The following CLIC5 variants were observed in gnomAD, a reference collection of about 807,000 sequenced individuals.
CLIC5 encodes CLIC family member 5, also known as chloride intracellular channel protein 5.
In CLIC5, 20 loss-of-function variants were observed where a neutral mutation model predicts 24.7. The ratio of observed to expected loss-of-function variants is 0.81; its 90% CI spans 0.57 to 1.18. The LOEUF is 1.18. Ranked by LOEUF, CLIC5 falls within the 50% of genes most tolerant of loss-of-function variation. The pLI, the probability that CLIC5 is intolerant of heterozygous loss-of-function variation, is 0.00. For missense variants in CLIC5, 341 were observed against 326.1 expected, an observed-to-expected ratio of 1.05 and a Z score of -0.35; for synonymous variants, 159 against 135.6, an observed-to-expected ratio of 1.17 and a Z score of -1.20.
intron 1 of CLIC5, among the ~76,000 whole-genome samples, chr6:46,077,733 C>A (rs534747635): frequency 3.3e-5 from 5 of 152,198 alleles, no homozygotes; most frequent in African/African-American, 1.2e-4. Flanking sequence ...TCAGTTCACA[C>A]AATTATGCTA....
intron 1 of CLIC5, among the ~76,000 whole-genome samples, chr6:45,956,300 T>C (rs1266970194): frequency 6.6e-6 from 1 of 152,116 alleles, no homozygotes; most frequent in Non-Finnish European, 1.5e-5. Context: ...GAGGAAGAAA[T>C]AACCCATTTG....
the CLIC5 span, among the ~76,000 whole-genome samples, chr6:46,090,521 G>A: frequency 2.6e-5 from 4 of 151,350 alleles, no homozygotes; most frequent in African/African-American, 4.9e-5. Context: ...AGCTCAATTC[G>A]CCTTTTACTT....
At chr6:45,937,437 T>G (rs141769854) in intron 4 of CLIC5, 1 of 152,344 alleles carries the variant, frequency 6.6e-6, no homozygotes, top group Admixed American at 6.5e-5. Flanking sequence ...GAATGTAAAG[T>G]CCATTTTACA....
chr6:46,015,808 G>A lies in CLIC5; in HGVS notation c.-266C>T. ...TTAAGGGAATGACAACAGGTCGTGG[G>A]AGCAACAAGTGCCGGGCTGCCCGGA... On this transcript the variant is annotated 5_prime_UTR_variant, in exon 1 of 6. Coordinates refer to ENST00000339561, the MANE Select transcript of CLIC5 (RefSeq NM_016929.5). 8.4e-7 allele frequency: 1 copy of A among 1,190,496 alleles called. No homozygotes were observed. Among genetic ancestry groups the A allele is most frequent in the East Asian group, 3.6e-5 (1 of 28,142 alleles). 73.7% of individuals were successfully genotyped at this position (1,190,496 alleles called of 1,614,324 possible).
intron 1 of CLIC5, among the ~76,000 whole-genome samples, chr6:46,037,409 T>A (rs533431658): frequency 6.6e-6 from 1 of 152,098 alleles, no homozygotes; most frequent in Non-Finnish European, 1.5e-5. Flanking sequence ...AACAAAGGAA[T>A]GAATAAATAA....
intron 4 of CLIC5, among the ~76,000 whole-genome samples, chr6:45,924,847 A>G (rs1033939753): frequency 6.6e-6 from 1 of 152,226 alleles, no homozygotes; most frequent in Admixed American, 6.5e-5. Flanking sequence ...CAGCTACAGA[A>G]GGCCAAATAA....
At position 45,949,387 on chromosome 6, in the gene CLIC5, G is replaced by A. The variant is rs763917020; in HGVS notation, c.174-6C>T. On this transcript the variant is annotated splice_polypyrimidine_tract_variant and splice_region_variant and intron_variant, in intron 2 of 5. Transcript: ENST00000339561. ...TGTGCAGGTCAGCTGGCTTTCTGTA[G>A]AGAGAGCAAGATTCAGGTGTTGGCT... 6.2e-7 allele frequency: 1 copy of A among 1,612,030 alleles called. No homozygotes were observed. The highest frequency in any genetic ancestry group is 1.7e-5 in the Admixed American group (1 of 59,758).
rs994274316 is a variant in CLIC5, at chr6:45,899,115, G to T, written c.*3973C>A. ...ACAAAGGGGAAGAATGTGTGTTGAT[G>T]AGGAGGGCACATGTTGCTTGATTTG... On this transcript the variant is annotated 3_prime_UTR_variant, in exon 6 of 6. Transcript: ENST00000339561. 1 of 152,154 alleles carries T rather than the reference G, an allele frequency of 6.6e-6. No individual in the cohort carries two copies. Among genetic ancestry groups the T allele is most frequent in the Non-Finnish European group, 1.5e-5 (1 of 68,032 alleles). The allele number at this position is 152,154 out of a possible 1,614,324, so 9.4% of individuals were successfully genotyped here.
At chr6:46,086,651 A>G in the CLIC5 span, among the ~76,000 whole-genome samples, 15 of 152,228 alleles carry the variant, frequency 9.9e-5, 1 homozygote, top group Non-Finnish European at 2.1e-4. Flanking sequence ...TAACACAGAT[A>G]GCAGTTCAAT....
the CLIC5 span, among the ~76,000 whole-genome samples, chr6:46,125,420 C>G: frequency 2.6e-5 from 4 of 151,976 alleles, no homozygotes; most frequent in South Asian, 8.3e-4. Context: ...ACACCAGGGC[C>G]TGTTGTGGGG....
At chr6:46,036,635 C>G (rs1767670104) in intron 1 of CLIC5, among the ~76,000 whole-genome samples, 1 of 152,118 alleles carries the variant, frequency 6.6e-6, no homozygotes, top group Admixed American at 6.5e-5. Flanking sequence ...GAGAATAGGA[C>G]CACATCTTAC....
chr6:46,119,709 C>A, the CLIC5 span, among the ~76,000 whole-genome samples: 1 of 152,198 alleles, frequency 6.6e-6, no homozygotes, highest in Non-Finnish European at 1.5e-5. Context: ...ACAGACTGCA[C>A]CTTGAAAATC....
intron 1 of CLIC5, among the ~76,000 whole-genome samples, chr6:46,027,404 A>G (rs768395896): frequency 2.6e-5 from 4 of 152,224 alleles, no homozygotes; most frequent in Admixed American, 6.5e-5. Flanking sequence ...GAGGAGCTGA[A>G]GTACAAGCTT....
chr6:46,082,497 T>C (rs1213629042), upstream of CLIC5, among the ~76,000 whole-genome samples: 1 of 152,186 alleles, frequency 6.6e-6, no homozygotes, highest in Non-Finnish European at 1.5e-5. Flanking sequence ...CCCTGCATAA[T>C]CCACAACCAC....
At chr6:46,046,870 C>G (rs9395147) in intron 1 of CLIC5, among the ~76,000 whole-genome samples, 87,279 of 151,900 alleles carry the variant, frequency 0.57, 25,353 homozygotes, top group Admixed American at 0.69. Flanking sequence ...TTAATAATCA[C>G]GATGGTGGAA....
At chr6:46,011,331 G>C (rs1326750027) in intron 1 of CLIC5, among the ~76,000 whole-genome samples, 1 of 152,190 alleles carries the variant, frequency 6.6e-6, no homozygotes, top group Non-Finnish European at 1.5e-5. Context: ...CATTAGCAAG[G>C]CCACCTATGT....
chr6:45,913,884 A>T (rs1416353947), intron 5 of CLIC5: 43 of 1,074,682 alleles, frequency 4.0e-5, no homozygotes, highest in Non-Finnish European at 5.1e-5. Context: ...GGGAAATCCT[A>T]TGAGGAAGAG....
At chr6:46,125,062 C>T in the CLIC5 span, among the ~76,000 whole-genome samples, 2 of 152,156 alleles carry the variant, frequency 1.3e-5, no homozygotes, top group Admixed American at 1.3e-4. Flanking sequence ...TTTGACCCAG[C>T]CATCCCATAA....
At chr6:46,084,802 T>A (rs1762996877), upstream of CLIC5, among the ~76,000 whole-genome samples, 1 of 152,232 alleles carries the variant, frequency 6.6e-6, no homozygotes, top group African/African-American at 2.4e-5. Flanking sequence ...CTGTATTTCC[T>A]GAATCTGAAT....
Sources: allele counts gnomAD v4.1 joint callset (sites outside exome capture counted in the v4.1 genomes callset), GRCh38; gene constraint gnomAD v4.1.1; transcripts MANE v1.5; gene names NCBI Gene and HGNC (gene_info 2026-07-23, HGNC 2026-07-21).